The following SLC16A7 variants were observed in gnomAD, a reference collection of about 807,000 sequenced individuals.
SLC16A7 encodes the protein monocarboxylate transporter 2.
Under a neutral mutation model 34.9 loss-of-function variants are expected in SLC16A7, and 33 were observed. The ratio of observed to expected loss-of-function variants is 0.94; its 90% CI spans 0.72 to 1.26. The LOEUF (loss-of-function observed/expected upper bound fraction) is 1.26, where lower values mean the gene tolerates loss of function less well. Among genes scored for constraint, SLC16A7 ranks in the 50% most tolerant of loss-of-function variants. The pLI, the probability that SLC16A7 is intolerant of heterozygous loss-of-function variation, is 0.00. For synonymous variants in SLC16A7, 201 were observed against 206.6 expected (o/e 0.97, Z 0.23); for missense variants, 573 against 578.1 (o/e 0.99, Z 0.09).
chr12:59,622,028 A>G (rs1879717381), intron 1 of SLC16A7, among the ~76,000 whole-genome samples: 1 of 151,834 alleles, frequency 6.6e-6, no homozygotes. Context: ...GTTACTGTCA[A>G]CTTCTACACT....
intron 3 of SLC16A7, among the ~76,000 whole-genome samples, chr12:59,714,363 C>T (rs981309928): frequency 6.6e-6 from 1 of 152,186 alleles, no homozygotes; most frequent in Non-Finnish European, 1.5e-5. Context: ...AAAATAATAT[C>T]ACAGACTGAG....
At position 59,641,144 on chromosome 12, in the gene SLC16A7, T is replaced by G. The variant is rs1309886236; in HGVS notation, c.-129-14008T>G. Among the ~76,000 whole-genome samples, 4 of 152,238 alleles carry G rather than the reference T, an allele frequency of 2.6e-5. No individual in the cohort carries two copies. The East Asian group carries it at 5.8e-4, about 22-fold the overall frequency. The stretch of plus-strand genomic sequence containing the variant: ...AATGGATGAAATAGCACATACAAAG[T>G]AGTTACCTGGGTAAATCTCTATCTT... On this transcript the variant is annotated intron_variant, in intron 1 of 5. Coordinates refer to ENST00000547379, the MANE Select transcript of SLC16A7 (RefSeq NM_001270623.2).
At position 59,748,461 on chromosome 12, in the gene SLC16A7, G is replaced by A. The variant is rs550679361; in HGVS notation, c.218-22758G>A. Among the ~76,000 whole-genome samples the A allele has an allele frequency of 1.4e-4, 22 of 152,150 alleles. 1 individual carries two copies. In the South Asian group the frequency reaches 3.7e-3, roughly 26 times the overall value. ...GTGTGACACTTATCTCTATGTGAGC[G>A]GTTCTTTCCTCTAGTAAATTATCAC... is the stretch of plus-strand genomic sequence containing the variant. On this transcript the variant is annotated intron_variant, in intron 3 of 5. Coordinates refer to ENST00000547379, the MANE Select transcript of SLC16A7 (RefSeq NM_001270623.2).
chr12:59,627,222 A>G (rs1173183896), intron 1 of SLC16A7, among the ~76,000 whole-genome samples: 1 of 151,876 alleles, frequency 6.6e-6, no homozygotes, highest in Admixed American at 6.6e-5. Flanking sequence ...AGCCAGAAAT[A>G]ATTTCCTGTG....
At chr12:59,680,179 A>G (rs556082143) in intron 2 of SLC16A7, among the ~76,000 whole-genome samples, 2 of 152,352 alleles carry the variant, frequency 1.3e-5, no homozygotes, top group East Asian at 1.9e-4. Flanking sequence ...GGCAAAGGAC[A>G]GGAAAAGTGG....
At chr12:59,751,508 G>A (rs966887831) in intron 3 of SLC16A7, among the ~76,000 whole-genome samples, 12 of 152,200 alleles carry the variant, frequency 7.9e-5, no homozygotes, top group Admixed American at 5.9e-4. Context: ...TTGCTAGCAC[G>A]GCAGTCTGAG....
chr12:59,643,369 T>G (rs1403785577), intron 1 of SLC16A7, among the ~76,000 whole-genome samples: 3 of 152,148 alleles, frequency 2.0e-5, no homozygotes, highest in African/African-American at 7.2e-5. Context: ...TTGAAAGTGG[T>G]AAGCATATAT....
At chr12:59,604,235 T>C (rs750697824) in intron 1 of SLC16A7, among the ~76,000 whole-genome samples, 6 of 152,220 alleles carry the variant, frequency 3.9e-5, no homozygotes, top group Admixed American at 3.9e-4. Flanking sequence ...TCTCTTCAGG[T>C]GTCAGGGTGG....
intron 1 of SLC16A7, among the ~76,000 whole-genome samples, chr12:59,643,420 T>C (rs934172973): frequency 7.9e-5 from 12 of 152,202 alleles, no homozygotes; most frequent in African/African-American, 2.7e-4. Context: ...TATTCATTTG[T>C]TCATTTAGTC....
At chr12:59,742,136 G>C (rs75469531) in intron 3 of SLC16A7, among the ~76,000 whole-genome samples, 9 of 152,294 alleles carry the variant, frequency 5.9e-5, no homozygotes, top group African/African-American at 2.2e-4. Context: ...CTCTTGGGAA[G>C]TGAGCATGAG....
intron 3 of SLC16A7, among the ~76,000 whole-genome samples, chr12:59,755,153 G>A (rs1880149124): frequency 1.3e-5 from 2 of 152,146 alleles, no homozygotes; most frequent in African/African-American, 2.4e-5. Flanking sequence ...ATATCATACT[G>A]AATGGGCAAA....
intron 3 of SLC16A7, among the ~76,000 whole-genome samples, chr12:59,734,596 C>T (rs1877372029): frequency 6.6e-6 from 1 of 152,220 alleles, no homozygotes; most frequent in Non-Finnish European, 1.5e-5. Flanking sequence ...TGTTCCTGGC[C>T]CCTGCCGGCT....
At chr12:59,622,332 A>C (rs1879730958) in intron 1 of SLC16A7, among the ~76,000 whole-genome samples, 1 of 151,876 alleles carries the variant, frequency 6.6e-6, no homozygotes, top group Non-Finnish European at 1.5e-5. Context: ...ACTTGGTCAA[A>C]CATTTCAGTC....
intron 1 of SLC16A7, among the ~76,000 whole-genome samples, chr12:59,629,756 G>C (rs988157521): frequency 6.6e-6 from 1 of 150,760 alleles, no homozygotes; most frequent in Admixed American, 6.6e-5. Context: ...TTTTTTCACT[G>C]TGGGTACCTA....
intron 3 of SLC16A7, chr12:59,761,271 A>G: frequency 3.0e-6 from 2 of 656,666 alleles, no homozygotes; most frequent in East Asian, 6.8e-5. Context: ...CTTCTGTTTT[A>G]GAAGCATTTA....
In SLC16A7 at chr12:59,774,869, G is replaced by A. The variant is rs774032030; in HGVS notation, c.574G>A (p.Gly192Ser). ...GSLLLNACVA[G>S]SLMRPLGPNQ... The stretch of plus-strand genomic sequence containing the variant: ...TCTACTTTTGAATGCCTGTGTGGCT[G>A]GTTCCCTCATGAGACCCCTTGGACC... Residue 192 changes from glycine to serine, a missense_variant, in exon 5 of 6, where the codon GGT (glycine) becomes AGT (serine). Gly to Ser is a moderately conservative substitution (Grantham distance 56). Coordinates refer to ENST00000547379, the MANE Select transcript of SLC16A7 (RefSeq NM_001270623.2). 1 of 1,613,866 alleles carries A rather than the reference G, an allele frequency of 6.2e-7. No homozygotes were observed. Among genetic ancestry groups the A allele is most frequent in the Admixed American group, 1.7e-5 (1 of 59,956 alleles).
Position 59,739,326 on chromosome 12 carries a change from G to A in SLC16A7, c.218-31893G>A, listed in dbSNP as rs539756899. 1.9e-4 allele frequency among the ~76,000 whole-genome samples: 27 copies of A among 141,572 alleles called. No individual in the cohort carries two copies. In the South Asian group the frequency reaches 6.4e-3, roughly 34 times the overall value. 92.9% of individuals were successfully genotyped at this position (141,572 alleles called of 152,430 possible). The stretch of plus-strand genomic sequence containing the variant: ...TTTTGTTCTTGAGATAGTTTACTGA[G>A]AATGATGATTTCCAATTTCATCCAT... On this transcript the variant is annotated intron_variant, in intron 3 of 5. Transcript: ENST00000547379.
chr12:59,722,069 T>G (rs1875668631), intron 3 of SLC16A7, among the ~76,000 whole-genome samples: 1 of 151,904 alleles, frequency 6.6e-6, no homozygotes, highest in Non-Finnish European at 1.5e-5. Flanking sequence ...CAGTTTCAAC[T>G]TCTCCTGAAC....
At chr12:59,637,595 G>T (rs1355598710) in intron 1 of SLC16A7, among the ~76,000 whole-genome samples, 1 of 152,042 alleles carries the variant, frequency 6.6e-6, no homozygotes, top group Non-Finnish European at 1.5e-5. Context: ...AATGAAAAAA[G>T]CATGGCAAAT....
Sources: gnomAD v4.1 joint callset for allele counts (sites outside exome capture counted in the v4.1 genomes callset) on GRCh38, gnomAD v4.1.1 for gene constraint, MANE v1.5 for transcripts, NCBI Gene and HGNC (gene_info 2026-07-23, HGNC 2026-07-21) for gene names.